IFT22: variants seen among roughly 807,000 people sequenced by gnomAD.
IFT22 encodes intraflagellar transport 22.
Under a neutral mutation model 21.0 loss-of-function variants are expected in IFT22, and 13 were observed. The observed-to-expected ratio is 0.62, with a 90% CI of 0.40 to 0.98. The LOEUF (loss-of-function observed/expected upper bound fraction) is 0.98. Ranked by LOEUF, IFT22 falls within the 50% of genes least tolerant of loss-of-function variation. The pLI, the probability that IFT22 is intolerant of heterozygous loss-of-function variation, is 0.00. For synonymous variants in IFT22, 67 were observed against 82.4 expected (o/e 0.81, Z 1.01); for missense variants, 227 against 228.9 (o/e 0.99, Z 0.06).
Position 101,311,174 on chromosome 7 carries a change from T to C in IFT22, c.*3960A>G, listed in dbSNP as rs1004748448. 6.6e-6 allele frequency among the ~76,000 whole-genome samples: 1 copy of C among 151,916 alleles called. No homozygotes were observed. Among genetic ancestry groups the C allele is most frequent in the African/African-American group, 2.4e-5 (1 of 41,370 alleles). On this transcript the variant is annotated 3_prime_UTR_variant, in exon 5 of 5. Transcript: ENST00000315322. ...ACACCCGGCTTATTTTTTGTATTTTTAGTAGAGGTGGGGTTTCACTGTTAG... is the reference window on the plus strand; with the variant it reads ...ACACCCGGCTTATTTTTTGTATTTTCAGTAGAGGTGGGGTTTCACTGTTAG...
chr7:101,321,685 C>T lies in IFT22; in HGVS notation c.25G>A (p.Val9Met), dbSNP rs773854204. Residue 9 changes from valine (V) to methionine (M), a missense_variant, in exon 1 of 5, where the codon GTG becomes ATG. Coordinates refer to ENST00000315322, the MANE Select transcript of IFT22 (RefSeq NM_022777.4). Reference protein sequence around the residue: MLKAKILFVGPCESGKTVL... With the variant: MLKAKILFMGPCESGKTVL... ...CCAGGACTTACCTCGCAAGGCCCCACGAAGAGGATCTTGGCTTTCAGCATA... is the reference window on the plus strand; with the variant it reads ...CCAGGACTTACCTCGCAAGGCCCCATGAAGAGGATCTTGGCTTTCAGCATA... The T allele has an allele frequency of 3.1e-6, 5 of 1,603,660 alleles. No individual in the cohort carries two copies. In the South Asian group the frequency reaches 4.5e-5, roughly 14 times the overall value.
rs1789997830 is a variant in IFT22 at position 101,312,278 on chromosome 7, T to C, written c.*2856A>G. Among the ~76,000 whole-genome samples the C allele has an allele frequency of 6.6e-6, 1 of 151,988 alleles. No individual in the cohort carries two copies. Among genetic ancestry groups the C allele is most frequent in the East Asian group, 1.9e-4 (1 of 5,164 alleles). On this transcript the variant is annotated 3_prime_UTR_variant, in exon 5 of 5. Transcript: ENST00000315322. ...AATTAGCCAGGCGTGCACTAATTAGTGGGCTGGACCATTACTGGTGTGTGT... is the reference window on the plus strand; with the variant it reads ...AATTAGCCAGGCGTGCACTAATTAGCGGGCTGGACCATTACTGGTGTGTGT...
chr7:101,316,750 C>G (rs1790168565), intron 3 of IFT22, among the ~76,000 whole-genome samples: 1 of 151,890 alleles, frequency 6.6e-6, no homozygotes, highest in Non-Finnish European at 1.5e-5. Context: ...GGTGAAACCC[C>G]GTCTCTACTA....
chr7:101,316,197 T>A, intron 4 of IFT22, 143 bp downstream of exon 4: 1 of 744,098 alleles, frequency 1.3e-6, no homozygotes, highest in Non-Finnish European at 2.3e-6. Context: ...CGTAGTGGAC[T>A]CACATGGAGA....
At position 101,319,047 on chromosome 7, in the gene IFT22, G is replaced by A. The variant is rs1281978443; in HGVS notation, c.40-15C>T. 6.2e-7 allele frequency: 1 copy of A among 1,613,222 alleles called. No individual in the cohort carries two copies. Among genetic ancestry groups the A allele is most frequent in the Admixed American group, 1.7e-5 (1 of 59,974 alleles). Reference sequence around the variant, plus strand: ...GTTTTTCCACTCTGTGAAAATGAGTGCAAATAAAGGTCTTTGCTGAAAGGC... The same window carrying A: ...GTTTTTCCACTCTGTGAAAATGAGTACAAATAAAGGTCTTTGCTGAAAGGC... On this transcript the variant is annotated splice_polypyrimidine_tract_variant and intron_variant, in intron 1 of 4. Transcript: ENST00000315322.
At chr7:101,316,318 A>C in intron 4 of IFT22, 22 bp downstream of exon 4, 1 of 1,610,946 alleles carries the variant, frequency 6.2e-7, no homozygotes, top group Non-Finnish European at 8.5e-7. Context: ...CAAAAGAGGA[A>C]GAGAAATTCC....
rs1263612232 is a variant in IFT22 at position 101,315,301 on chromosome 7, G to A, written c.410-19C>T. The A allele has an allele frequency of 6.2e-7, 1 of 1,613,942 alleles. No individual in the cohort carries two copies. On this transcript the variant is annotated intron_variant, in intron 4 of 4. Transcript: ENST00000315322. ...GGTGGCGCTTGAAAATGAAGATAAG[G>A]TTAATTAGGCAAAGAGTTTCCATGA...
chr7:101,315,999 T>C (rs1032132507), intron 4 of IFT22: 10 of 43,536 alleles, frequency 2.3e-4, no homozygotes, highest in South Asian at 6.4e-4. Flanking sequence ...TCTTTTCTCT[T>C]TTTTTTTTTT....
At chr7:101,321,480 G>A in intron 1 of IFT22, 191 bp downstream of exon 1, 1 of 590,156 alleles carries the variant, frequency 1.7e-6, no homozygotes, top group Admixed American at 3.3e-5. Context: ...CCTCCTCCGG[G>A]CAGTGGTTGG....
Position 101,315,297 on chromosome 7 carries a change from T to C in IFT22, c.410-15A>G. The C allele has an allele frequency of 5.0e-6, 8 of 1,613,978 alleles. No individual in the cohort carries two copies. The African/African-American group carries it at 1.1e-4, about 22-fold the overall frequency. On this transcript the variant is annotated splice_polypyrimidine_tract_variant and intron_variant, in intron 4 of 4. Coordinates refer to ENST00000315322, the MANE Select transcript of IFT22 (RefSeq NM_022777.4). ...CAAGGGTGGCGCTTGAAAATGAAGA[T>C]AAGGTTAATTAGGCAAAGAGTTTCC...
intron 3 of IFT22, 63 bp downstream of exon 3, chr7:101,318,061 C>A: frequency 6.9e-7 from 1 of 1,456,274 alleles, no homozygotes; most frequent in Non-Finnish European, 9.6e-7. Flanking sequence ...AGCCACCGCC[C>A]CTGGCTTGGG....
In IFT22 at chr7:101,319,021, A is replaced by T. The variant is rs769329100; in HGVS notation, c.51T>A (p.Thr17=). ...ATTCTGTCAGAAAGTTGGCCAAAACAGTTTTTCCACTCTGTGAAAATGAGT... is the reference window on the plus strand; with the variant it reads ...ATTCTGTCAGAAAGTTGGCCAAAACTGTTTTTCCACTCTGTGAAAATGAGT... ...LFVGPCESGK[T]VLANFLTESS... The change falls in exon 2 of 5, where the codon ACT becomes ACA. Residue 17 remains threonine, a synonymous_variant. Coordinates refer to ENST00000315322, the MANE Select transcript of IFT22 (RefSeq NM_022777.4). 4 of 1,613,856 alleles carry T rather than the reference A, an allele frequency of 2.5e-6. No individual in the cohort carries two copies. Among genetic ancestry groups the T allele is most frequent in the Non-Finnish European group, 3.4e-6 (4 of 1,179,918 alleles).
rs1449987620 is a variant in IFT22, at chr7:101,314,128, A to C, written c.*1006T>G. 6.6e-6 allele frequency: 1 copy of C among 151,016 alleles called. No homozygotes were observed. Among genetic ancestry groups the C allele is most frequent in the Non-Finnish European group, 1.5e-5 (1 of 68,004 alleles). The allele number at this position is 151,016 out of a possible 1,614,324, so 9.4% of individuals were successfully genotyped here. ...TGCCTTAGCATCCCAAAGTGCTGGGATTACAAGTGTGAGCCACCGCTCCTG... is the reference window on the plus strand; with the variant it reads ...TGCCTTAGCATCCCAAAGTGCTGGGCTTACAAGTGTGAGCCACCGCTCCTG... On this transcript the variant is annotated 3_prime_UTR_variant, in exon 5 of 5. Transcript: ENST00000315322.
At position 101,312,269 on chromosome 7, in the gene IFT22, A is replaced by G. The variant is rs1789997413; in HGVS notation, c.*2865T>C. 6.6e-6 allele frequency among the ~76,000 whole-genome samples: 1 copy of G among 151,930 alleles called. No individual in the cohort carries two copies. Among genetic ancestry groups the G allele is most frequent in the African/African-American group, 2.4e-5 (1 of 41,414 alleles). On this transcript the variant is annotated 3_prime_UTR_variant, in exon 5 of 5. Transcript: ENST00000315322. ...AAGTACAAAAATTAGCCAGGCGTGCACTAATTAGTGGGCTGGACCATTACT... is the reference window on the plus strand; with the variant it reads ...AAGTACAAAAATTAGCCAGGCGTGCGCTAATTAGTGGGCTGGACCATTACT...
intron 2 of IFT22, 26 bp from the exon 3 acceptor site, chr7:101,318,239 G>C: frequency 6.3e-7 from 1 of 1,587,222 alleles, no homozygotes; most frequent in Non-Finnish European, 8.6e-7. Context: ...AGAGCAGTAG[G>C]CTGGGTGCAG....
chr7:101,320,602 A>G (rs112700571), intron 1 of IFT22, among the ~76,000 whole-genome samples: 1,619 of 133,040 alleles, frequency 0.012, 22 homozygotes, highest in African/African-American at 0.044. Context: ...GCCTTAGTCC[A>G]TCTGAGCTTT....
In IFT22 at chr7:101,315,100, C is replaced by T. The variant is rs1301413889; in HGVS notation, c.*34G>A. The T allele has an allele frequency of 1.2e-6, 2 of 1,602,214 alleles. No homozygotes were observed. On this transcript the variant is annotated 3_prime_UTR_variant, in exon 5 of 5. Coordinates refer to ENST00000315322, the MANE Select transcript of IFT22 (RefSeq NM_022777.4). ...TCTGCACCGAGAAACATGCTGATTT[C>T]ACTGGGGATGTGGCAGTCCCAGGTG...
At position 101,316,549 on chromosome 7, in the gene IFT22, G is replaced by A; in HGVS notation, c.207-7C>T. 6.2e-7 allele frequency: 1 copy of A among 1,613,506 alleles called. No homozygotes were observed. Among genetic ancestry groups the A allele is most frequent in the South Asian group, 1.1e-5 (1 of 91,064 alleles). On this transcript the variant is annotated splice_polypyrimidine_tract_variant and splice_region_variant and intron_variant, in intron 3 of 4. Transcript: ENST00000315322. ...CGGCCAGCAGGACTCAAACCTGCGA[G>A]GAAGAAAAGGAACAACAGGGAAAGT... is the stretch of plus-strand genomic sequence containing the variant.
intron 3 of IFT22, among the ~76,000 whole-genome samples, chr7:101,316,816 C>T (rs568050426): frequency 1.3e-4 from 20 of 152,048 alleles, no homozygotes; most frequent in Non-Finnish European, 2.2e-4. Context: ...CCCAGCTACT[C>T]GGGAGGCTGA....
Sources: gnomAD v4.1 joint callset for allele counts (sites outside exome capture counted in the v4.1 genomes callset) on GRCh38, gnomAD v4.1.1 for gene constraint, MANE v1.5 for transcripts, NCBI Gene and HGNC (gene_info 2026-07-23, HGNC 2026-07-21) for gene names.